CSMD2: variants seen among roughly 807,000 people sequenced by gnomAD.
CSMD2 encodes the protein CUB and sushi domain-containing protein 2.
In CSMD2, 130 loss-of-function variants were observed where a neutral mutation model predicts 398.5. The ratio of observed to expected loss-of-function variants is 0.33; its 90% CI spans 0.28 to 0.38. CSMD2 has a LOEUF of 0.38. Ranked by LOEUF, CSMD2 falls within the 10% of genes least tolerant of loss-of-function variation. The pLI is 1.00. For synonymous variants in CSMD2, 1,828 were observed against 1,908.5 expected (o/e 0.96, Z 1.10); for missense variants, 3,829 against 4,764.9 (o/e 0.80, Z 5.78).
intron 2 of CSMD2, among the ~76,000 whole-genome samples, chr1:34,046,644 T>C (rs1441958278): frequency 3.3e-5 from 5 of 152,230 alleles, no homozygotes; most frequent in Non-Finnish European, 7.3e-5. Flanking sequence ...ATGTTACCCA[T>C]GATTTGTCTC....
chr1:33,714,760 G>A lies in CSMD2; in HGVS notation c.3233C>T (p.Pro1078Leu), dbSNP rs756512180. The A allele has an allele frequency of 1.2e-6, 2 of 1,614,002 alleles. No individual in the cohort carries two copies. The highest frequency in any genetic ancestry group is 2.7e-5 in the African/African-American group (2 of 74,936). The change falls in exon 21 of 71, where the codon CCC (proline) becomes CTC (leucine). Residue 1078 changes from proline to leucine, a missense_variant. Pro to Leu is a moderately conservative substitution (Grantham distance 98). Around this residue, in one of 5 missense-constraint regions of CSMD2, gnomAD observed 2,001 missense variants for 2,567.1 expected, o/e 0.78. Coordinates refer to ENST00000373381, the MANE Select transcript of CSMD2 (RefSeq NM_001281956.2). ...NITFSEYDLE[P>L]CEEPEVPAYS... ...GGCTGGGACCTCGGGCTCCTCACAG[G>A]GCTCCAAGTCGTACTCTGGAAAGGT...
chr1:33,914,273 G>A (rs555875296), intron 5 of CSMD2, among the ~76,000 whole-genome samples: 1 of 152,250 alleles, frequency 6.6e-6, no homozygotes. Context: ...GGAACTGTGT[G>A]TAAGGGGGGA....
chr1:33,912,847 C>T (rs1180521086), intron 5 of CSMD2, among the ~76,000 whole-genome samples: 2 of 152,150 alleles, frequency 1.3e-5, no homozygotes, highest in African/African-American at 4.8e-5. Flanking sequence ...CTTTCTTACT[C>T]TGTCTCCCGG....
At chr1:33,665,460 CTTTTTT>C (rs745495781) in intron 25 of CSMD2, among the ~76,000 whole-genome samples, 12 of 73,928 alleles carry the variant, frequency 1.6e-4, no homozygotes, top group East Asian at 4.5e-4. Flanking sequence ...TTTCTTCTCT[CTTTTTT>C]TTTTTTTTTT....
intron 22 of CSMD2, among the ~76,000 whole-genome samples, chr1:33,708,439 A>G (rs1645875970): frequency 6.6e-6 from 1 of 152,176 alleles, no homozygotes; most frequent in Non-Finnish European, 1.5e-5. Flanking sequence ...AGGTGGAAAC[A>G]TATTTAAAAA....
At chr1:33,975,205 G>A (rs552602230) in intron 3 of CSMD2, among the ~76,000 whole-genome samples, 129 of 152,260 alleles carry the variant, frequency 8.5e-4, no homozygotes, top group African/African-American at 2.9e-3. Context: ...AGGGCATCCA[G>A]CCTACACTCA....
intron 6 of CSMD2, among the ~76,000 whole-genome samples, chr1:33,829,805 G>T (rs561037592): frequency 1.4e-4 from 21 of 151,862 alleles, no homozygotes; most frequent in Non-Finnish European, 2.2e-4. Flanking sequence ...ACTCCCACCC[G>T]AATACTGCGC....
At position 33,537,787 on chromosome 1, in the gene CSMD2, G is replaced by C. The variant is rs1380258675; in HGVS notation, c.9632-178C>G. Among the ~76,000 whole-genome samples the C allele has an allele frequency of 6.6e-6, 1 of 152,234 alleles. No homozygotes were observed. Among genetic ancestry groups the C allele is most frequent in the African/African-American group, 2.4e-5 (1 of 41,468 alleles). On this transcript the variant is annotated intron_variant, in intron 60 of 70. Transcript: ENST00000373381. The surrounding 1 kb of genome is among the most constrained non-coding windows in gnomAD (Gnocchi z 4.6). ...TGCTGCGGTGCTGCTGCTGATGGGGGCTTCCTCTCCCTTCTACATTCAAAG... is the reference window on the plus strand; with the variant it reads ...TGCTGCGGTGCTGCTGCTGATGGGGCCTTCCTCTCCCTTCTACATTCAAAG...
At chr1:34,009,994 T>C (rs539417268) in intron 3 of CSMD2, among the ~76,000 whole-genome samples, 1 of 152,308 alleles carries the variant, frequency 6.6e-6, no homozygotes, top group South Asian at 2.1e-4. Context: ...CAGAGTGATC[T>C]TTTGAAATGT....
chr1:33,934,947 T>A (rs1644425728), intron 4 of CSMD2, among the ~76,000 whole-genome samples: 1 of 141,430 alleles, frequency 7.1e-6, no homozygotes, highest in East Asian at 2.1e-4. Flanking sequence ...GAGGCTGCAG[T>A]GAGCCATGAT....
chr1:34,086,116 A>C (rs559788496), intron 2 of CSMD2, among the ~76,000 whole-genome samples: 1 of 152,160 alleles, frequency 6.6e-6, no homozygotes, highest in Non-Finnish European at 1.5e-5. Context: ...GGACAAGCTT[A>C]AATAACTCCA....
intron 27 of CSMD2, among the ~76,000 whole-genome samples, chr1:33,653,156 A>G (rs758913834): frequency 7.2e-5 from 11 of 152,212 alleles, no homozygotes; most frequent in Non-Finnish European, 1.2e-4. Flanking sequence ...TCTCTCCCGT[A>G]TCATAAAAAG....
At chr1:33,842,679 C>G (rs1410001477) in intron 6 of CSMD2, among the ~76,000 whole-genome samples, 1 of 152,154 alleles carries the variant, frequency 6.6e-6, no homozygotes, top group African/African-American at 2.4e-5. Context: ...AATGAATGAG[C>G]GTAGCTGTGT....
chr1:33,953,206 C>T (rs1645062299), intron 3 of CSMD2, among the ~76,000 whole-genome samples: 1 of 152,166 alleles, frequency 6.6e-6, no homozygotes, highest in Non-Finnish European at 1.5e-5. Flanking sequence ...TTGATCAGAC[C>T]CAAGGGGATG....
intron 5 of CSMD2, among the ~76,000 whole-genome samples, chr1:33,890,512 G>C (rs1641931926): frequency 6.6e-6 from 1 of 152,190 alleles, no homozygotes; most frequent in African/African-American, 2.4e-5. Flanking sequence ...TTACAGGCAT[G>C]AGACACCGTG....
rs1656236843 is a variant in CSMD2 at position 33,540,608 on chromosome 1, A to G, written c.9548T>C (p.Leu3183Pro). The G allele has an allele frequency of 6.2e-7, 1 of 1,614,102 alleles. No individual in the cohort carries two copies. Among genetic ancestry groups the G allele is most frequent in the Non-Finnish European group, 8.5e-7 (1 of 1,180,056 alleles). The stretch of plus-strand genomic sequence containing the variant: ...GGGCAGGGAGAGCTGGTACCCCTCC[A>G]GGCAGGCATAAGTCACACTTGAGCC... ...MWGSSVTYAC[L>P]EGYQLSLPAV... The change falls in exon 60 of 71, where the codon CTG becomes CCG. Residue 3183 changes from leucine (L) to proline (P), a missense_variant. Transcript: ENST00000373381.
At chr1:33,790,801 A>ATACC (rs1553207632) in intron 11 of CSMD2, among the ~76,000 whole-genome samples, 4 of 148,448 alleles carry the variant, frequency 2.7e-5, no homozygotes, top group Non-Finnish European at 6.0e-5. Flanking sequence ...CATCTCTCTA[A>ATACC]TATCTATCTA....
intron 2 of CSMD2, among the ~76,000 whole-genome samples, chr1:34,078,630 T>C (rs979728646): frequency 1.3e-5 from 2 of 152,182 alleles, no homozygotes; most frequent in Non-Finnish European, 2.9e-5. Flanking sequence ...TATGAGGTCA[T>C]AGCATTAATA....
intron 56 of CSMD2, among the ~76,000 whole-genome samples, chr1:33,549,380 C>T (rs997940073): frequency 2.0e-5 from 3 of 152,174 alleles, no homozygotes; most frequent in Non-Finnish European, 2.9e-5. Context: ...CTTCCTAGGG[C>T]CAGGCAGGTC....
Sources: gnomAD v4.1 joint callset for allele counts (sites outside exome capture counted in the v4.1 genomes callset) on GRCh38, gnomAD v4.1.1 for gene constraint, gnomAD v4.1.1 regional missense constraint, Gnocchi (gnomAD v3.1) non-coding constraint, MANE v1.5 for transcripts, NCBI Gene and HGNC (gene_info 2026-07-23, HGNC 2026-07-21) for gene names.